The following MON2 variants were observed in gnomAD, a reference collection of about 807,000 sequenced individuals.
The protein encoded by MON2 is MON2 regulator of endosome-to-Golgi trafficking.
In MON2, 84 loss-of-function variants were observed where a neutral mutation model predicts 208.6. That is an observed-to-expected ratio of 0.40 (90% CI 0.34 to 0.48). The LOEUF is 0.48. Among genes scored for constraint, MON2 ranks in the 20% least tolerant of loss-of-function variants. The pLI is 0.59. For missense variants in MON2, 1,611 were observed against 2,015.4 expected, an observed-to-expected ratio of 0.80 and a Z score of 3.84; for synonymous variants, 660 against 694.0, an observed-to-expected ratio of 0.95 and a Z score of 0.77.
intron 1 of MON2, among the ~76,000 whole-genome samples, chr12:62,473,724 C>A (rs894781385): frequency 2.0e-5 from 3 of 152,054 alleles, no homozygotes; most frequent in African/African-American, 7.2e-5. Context: ...CAGATGCCAC[C>A]ACGGCTGGCA....
At chr12:62,590,173 G>A (rs1211616225) in intron 34 of MON2, among the ~76,000 whole-genome samples, 9 of 151,944 alleles carry the variant, frequency 5.9e-5, no homozygotes, top group South Asian at 4.1e-4. Context: ...TTACTGCGGC[G>A]TTGACCTCCT....
intron 33 of MON2, among the ~76,000 whole-genome samples, chr12:62,587,130 A>C (rs2075244212): frequency 6.6e-6 from 1 of 152,150 alleles, no homozygotes; most frequent in Non-Finnish European, 1.5e-5. Flanking sequence ...TATGAGGAGA[A>C]AGAAGGGAAT....
chr12:62,521,406 C>T (rs1240109793), intron 8 of MON2, among the ~76,000 whole-genome samples: 1 of 152,142 alleles, frequency 6.6e-6, no homozygotes. Flanking sequence ...GGGTTACTGC[C>T]TTGATTTCTG....
intron 8 of MON2, among the ~76,000 whole-genome samples, chr12:62,514,804 G>A (rs536560370): frequency 6.6e-6 from 1 of 152,248 alleles, no homozygotes; most frequent in South Asian, 2.1e-4. Context: ...AAAAACTAAT[G>A]TTAAAAAATA....
chr12:62,473,292 A>G (rs1335644893), intron 1 of MON2, among the ~76,000 whole-genome samples: 1 of 142,204 alleles, frequency 7.0e-6, no homozygotes, highest in Non-Finnish European at 1.5e-5. Flanking sequence ...AGGTTTAGTA[A>G]TTTGCATAAG....
At chr12:62,584,669 CT>C (rs1167985486) in intron 32 of MON2, among the ~76,000 whole-genome samples, 2 of 142,368 alleles carry the variant, frequency 1.4e-5, no homozygotes, top group Non-Finnish European at 3.0e-5. Context: ...CACCACTGCA[CT>C]CCTGCCTGGG....
chr12:62,534,542 A>ATATATATATATTTT (rs1306662466), intron 12 of MON2, among the ~76,000 whole-genome samples: 1 of 22,850 alleles, frequency 4.4e-5, no homozygotes, highest in African/African-American at 2.0e-4. Flanking sequence ...AAAAAAAAAA[A>ATATATATATATTTT]ATATATATAT....
In MON2 at chr12:62,500,152, A is replaced by T. The variant is rs527483334; in HGVS notation, c.566-631A>T. On this transcript the variant is annotated intron_variant, in intron 5 of 34. Coordinates refer to ENST00000393630, the MANE Select transcript of MON2 (RefSeq NM_015026.3). The stretch of plus-strand genomic sequence containing the variant: ...GTTTTAGTTGTTTGTCTCTAAGGCT[A>T]ATCTGCCATTTAATACTTTATAGTA... 9.2e-5 allele frequency among the ~76,000 whole-genome samples: 14 copies of T among 152,332 alleles called. No individual in the cohort carries two copies. In the South Asian group the frequency reaches 2.7e-3, roughly 29 times the overall value.
intron 32 of MON2, among the ~76,000 whole-genome samples, chr12:62,582,532 C>T (rs887621688): frequency 2.6e-5 from 4 of 151,954 alleles, no homozygotes; most frequent in Non-Finnish European, 4.4e-5. Context: ...CTTTTTGTTT[C>T]GGATCTTAAA....
chr12:62,565,459 T>C, intron 27 of MON2, 79 bp downstream of exon 27: 1 of 1,242,798 alleles, frequency 8.0e-7, no homozygotes, highest in East Asian at 2.4e-5. Context: ...AGATGGACTT[T>C]GATTATCTCG....
intron 24 of MON2, 44 bp downstream of exon 24, chr12:62,553,218 C>T (rs2073823695): frequency 6.8e-7 from 1 of 1,478,394 alleles, no homozygotes; most frequent in East Asian, 2.3e-5. Flanking sequence ...ATGAGTCATG[C>T]TTATATATTA....
intron 21 of MON2, among the ~76,000 whole-genome samples, chr12:62,546,018 A>T (rs912231746): frequency 1.4e-4 from 22 of 152,252 alleles, no homozygotes; most frequent in Non-Finnish European, 2.8e-4. Flanking sequence ...GAAGAAAGTT[A>T]AGAATGAAGG....
At chr12:62,583,071 G>A (rs2075061195) in intron 32 of MON2, among the ~76,000 whole-genome samples, 2 of 152,178 alleles carry the variant, frequency 1.3e-5, no homozygotes, top group Admixed American at 6.5e-5. Context: ...GGTGGCTCAG[G>A]CCTGTATTCC....
chr12:62,566,240 A>G, intron 28 of MON2, 82 bp from the exon 29 acceptor site: 1 of 1,519,156 alleles, frequency 6.6e-7, no homozygotes, highest in Non-Finnish European at 8.9e-7. Flanking sequence ...ACTTTAAGAC[A>G]AAGATGCTTT....
chr12:62,499,217 T>G (rs1021139312), intron 5 of MON2, among the ~76,000 whole-genome samples, 169 bp downstream of exon 5: 1 of 152,216 alleles, frequency 6.6e-6, no homozygotes, highest in Non-Finnish European at 1.5e-5. Context: ...TTGTTTTCCT[T>G]GTTTATTTCT....
At chr12:62,546,204 TTAA>T (rs1463016628) in intron 21 of MON2, among the ~76,000 whole-genome samples, 1 of 152,132 alleles carries the variant, frequency 6.6e-6, no homozygotes, top group African/African-American at 2.4e-5. Flanking sequence ...ATGATATACA[TTAA>T]TAAAGTAAAT....
chr12:62,596,301 G>C lies in MON2; in HGVS notation c.*3552G>C, dbSNP rs1288503852. On this transcript the variant is annotated 3_prime_UTR_variant, in exon 35 of 35. Transcript: ENST00000393630. ...CCCAAATACAGAATAATTCAGATGG[G>C]CAACCAAGTTTTCAAGAGACTGCTG... 1 of 152,182 alleles carries C rather than the reference G, an allele frequency of 6.6e-6. No individual in the cohort carries two copies. The highest frequency in any genetic ancestry group is 1.5e-5 in the Non-Finnish European group (1 of 68,038). 9.4% of individuals were successfully genotyped at this position (152,182 alleles called of 1,614,324 possible).
chr12:62,534,535 AAAAAAAAATATAT>A (rs1257043060), intron 12 of MON2, among the ~76,000 whole-genome samples: 331 of 27,488 alleles, frequency 0.012, 5 homozygotes, highest in South Asian at 0.025. Context: ...AAAAAAAAAA[AAAAAAAAATATAT>A]ATATATATAT....
intron 1 of MON2, among the ~76,000 whole-genome samples, chr12:62,477,011 G>T (rs527310100): frequency 6.6e-6 from 1 of 152,074 alleles, no homozygotes; most frequent in Non-Finnish European, 1.5e-5. Context: ...TTAGCTGGAC[G>T]TGGTGGTGTG....
Sources: allele counts gnomAD v4.1 joint callset (sites outside exome capture counted in the v4.1 genomes callset), GRCh38; gene constraint gnomAD v4.1.1; transcripts MANE v1.5; gene names NCBI Gene and HGNC (gene_info 2026-07-23, HGNC 2026-07-21).